The following HMCN2 variants were observed in gnomAD, a reference collection of about 807,000 sequenced individuals.
HMCN2 encodes the protein hemicentin 2.
HMCN2 carries 325 observed loss-of-function variants against 377.5 expected under a neutral mutation model. That is an observed-to-expected ratio of 0.86 (90% confidence interval 0.79 to 0.94). The LOEUF is 0.94. Among genes scored for constraint, HMCN2 ranks in the 40% least tolerant of loss-of-function variants. The pLI, the probability that HMCN2 is intolerant of heterozygous loss-of-function variation, is 0.00. For missense variants in HMCN2, 4,543 were observed against 4,725.3 expected (o/e 0.96, Z 1.13); for synonymous variants, 2,007 against 2,046.8 (o/e 0.98, Z 0.53).
chr9:130,429,672 C>A lies in HMCN2; in HGVS notation c.14313C>A (p.Ser4771Arg). ...GGGGTTACCGGATGCAGGGCCCCAG[C>A]CTGCCCTGCCTAGGTACGGGGACAC... The part of the protein sequence containing the change: ...CPRGYRMQGP[S>R]LPCLDVNECL... The change falls in exon 94 of 98, where the codon AGC (serine) becomes AGA (arginine). Residue 4771 changes from serine to arginine, a missense_variant. Around this residue, in one of 5 missense-constraint regions of HMCN2, gnomAD observed 1,155 missense variants for 1,157.7 expected, o/e 1.00. Coordinates refer to ENST00000683500, the MANE Select transcript of HMCN2 (RefSeq NM_001291815.2). The A allele has an allele frequency of 6.5e-7, 1 of 1,534,622 alleles. No homozygotes were observed. The highest frequency in any genetic ancestry group is 1.2e-5 in the South Asian group (1 of 81,846).
rs1243200081 is a variant in HMCN2 at position 130,361,061 on chromosome 9, T to C, written c.5950+457T>C. 6.6e-6 allele frequency among the ~76,000 whole-genome samples: 1 copy of C among 152,036 alleles called. No homozygotes were observed. Among genetic ancestry groups the C allele is most frequent in the Non-Finnish European group, 1.5e-5 (1 of 67,990 alleles). On this transcript the variant is annotated intron_variant, in intron 38 of 97. Coordinates refer to ENST00000683500, the MANE Select transcript of HMCN2 (RefSeq NM_001291815.2). The surrounding 1 kb of genome is among the most constrained non-coding windows in gnomAD (Gnocchi z 4.8). Reference sequence around the variant, plus strand: ...TACCCATCTACCCATTCACCATCCATTCAGTCATTCAACTACCCATTCTTT... The same window carrying C: ...TACCCATCTACCCATTCACCATCCACTCAGTCATTCAACTACCCATTCTTT...
rs544073821 is a variant in HMCN2 at position 130,397,546 on chromosome 9, G to A, written c.11217G>A (p.Glu3739=). ...PRSPRFEILP[E]GSLRIQPVLA... is the part of the protein sequence containing the mutation. ...ATTCTAGGTTTGAAATTCTGCCTGA[G>A]GGTTCCCTGAGAATCCAGCCAGTCC... Residue 3739 remains glutamate (E), a synonymous_variant, in exon 74 of 98, where the codon GAG becomes GAA. Transcript: ENST00000683500. 2 of 1,289,858 alleles carry A rather than the reference G, an allele frequency of 1.6e-6. No homozygotes were observed. Among genetic ancestry groups the A allele is most frequent in the Non-Finnish European group, 2.0e-6 (2 of 988,890 alleles). 79.9% of individuals were successfully genotyped at this position (1,289,858 alleles called of 1,614,324 possible). A position where few individuals can be genotyped will look rare whatever the true frequency, so the allele number is the denominator to read the frequency against.
intron 19 of HMCN2, among the ~76,000 whole-genome samples, chr9:130,324,577 T>C (rs36169321): frequency 0.39 from 58,557 of 151,880 alleles, 11,561 homozygotes; most frequent in African/African-American, 0.45. Flanking sequence ...TGTTTATTTG[T>C]TTTATTTTTT....
At position 130,404,952 on chromosome 9, in the gene HMCN2, A is replaced by G; in HGVS notation, c.12232A>G (p.Ser4078Gly). ...HAFLPCKARG[S>G]PEPNITWDKD... is the part of the protein sequence containing the mutation. ...CTTCTTGCCTTGCAAGGCGAGGGGCAGTCCTGAGCCCAACATCACCTGGGA... is the reference window on the plus strand; with the variant it reads ...CTTCTTGCCTTGCAAGGCGAGGGGCGGTCCTGAGCCCAACATCACCTGGGA... The change falls in exon 81 of 98, where the codon AGT becomes GGT. Residue 4078 changes from serine to glycine, a missense_variant. Ser to Gly is a moderately conservative substitution (Grantham distance 56, BLOSUM62 0). This residue lies in a region of HMCN2 where 1,073 missense variants were observed against 1,319.5 expected (regional missense o/e 0.81). Coordinates refer to ENST00000683500, the MANE Select transcript of HMCN2 (RefSeq NM_001291815.2). 2 of 1,289,350 alleles carry G rather than the reference A, an allele frequency of 1.6e-6. No homozygotes were observed. The highest frequency in any genetic ancestry group is 2.0e-6 in the Non-Finnish European group (2 of 988,654). The allele number at this position is 1,289,350 out of a possible 1,614,324, so 79.9% of individuals were successfully genotyped here.
Position 130,393,018 on chromosome 9 carries a change from AAAAG to A in HMCN2, c.10137-192_10137-189del, listed in dbSNP as rs1842416932. Among the ~76,000 whole-genome samples the A allele has an allele frequency of 6.6e-6, 1 of 151,816 alleles. No individual in the cohort carries two copies. The highest frequency in any genetic ancestry group is 2.4e-5 in the African/African-American group (1 of 41,304). ...CTCACCATCTCAAAAAAAAAAAAGA[AAAAG>A]AGAGAGTTTAAGCAAAGGCTGGGCT... is the stretch of plus-strand genomic sequence containing the variant. On this transcript the variant is annotated intron_variant, in intron 66 of 97. Transcript: ENST00000683500. This position sits in a 1 kb window ranked among gnomAD's most constrained non-coding sequence, Gnocchi z 5.2.
rs1458838438 is a variant in HMCN2, at chr9:130,382,238, C to T, written c.8486C>T (p.Ser2829Leu). 12 of 985,704 alleles carry T rather than the reference C, an allele frequency of 1.2e-5. No homozygotes were observed. The highest frequency in any genetic ancestry group is 1.4e-5 in the Non-Finnish European group (12 of 829,922). The allele number at this position is 985,704 out of a possible 1,614,324, so 61.1% of individuals were successfully genotyped here. ...CGGGCAGAGAACGCCGGGAGGTACT[C>T]GTGCAAGGCCTCCAACGAGGTGGGC... The part of the protein sequence containing the change: ...LVRAENAGRY[S>L]CKASNEVGED... Residue 2829 changes from serine (S) to leucine (L), a missense_variant, in exon 55 of 98, where the codon TCG (serine) becomes TTG (leucine). Coordinates refer to ENST00000683500, the MANE Select transcript of HMCN2 (RefSeq NM_001291815.2).
intron 22 of HMCN2, among the ~76,000 whole-genome samples, chr9:130,331,624 C>A (rs972506070): frequency 5.9e-5 from 9 of 152,198 alleles, no homozygotes; most frequent in Non-Finnish European, 8.8e-5. Context: ...CCTCCCTGGG[C>A]CTCAGCCTTT....
chr9:130,301,440 G>A (rs537315791), intron 8 of HMCN2, among the ~76,000 whole-genome samples: 6 of 152,306 alleles, frequency 3.9e-5, no homozygotes, highest in Admixed American at 1.3e-4. Flanking sequence ...TTCCTTCCCC[G>A]CCCTCCAGGT....
intron 33 of HMCN2, 34 bp from the exon 34 acceptor site, chr9:130,356,054 C>T (rs756583027): frequency 2.5e-6 from 3 of 1,221,792 alleles, no homozygotes; most frequent in South Asian, 2.8e-5. Context: ...TCCCTGGTCT[C>T]AGGTTGACAC....
Position 130,265,877 on chromosome 9 carries a change from G to C in HMCN2, c.-2G>C, listed in dbSNP as rs1834062838. 8.4e-6 allele frequency: 3 copies of C among 357,526 alleles called. No individual in the cohort carries two copies. The Admixed American group carries it at 1.1e-4, about 13-fold the overall frequency. 22.1% of individuals were successfully genotyped at this position (357,526 alleles called of 1,614,324 possible). On this transcript the variant is annotated 5_prime_UTR_variant, in exon 1 of 98. Transcript: ENST00000683500. ...GCACCCGCAGCCAGAGCCGCGCTCG[G>C]CATGATGCCCGGGGCGCCGCTCCTG... is the stretch of plus-strand genomic sequence containing the variant.
Position 130,403,301 on chromosome 9 carries a change from C to A in HMCN2, c.11986C>A (p.Gln3996Lys). The change falls in exon 79 of 98, where the codon CAG becomes AAG. Residue 3996 changes from glutamine (Q) to lysine (K), a missense_variant. Transcript: ENST00000683500. The part of the protein sequence containing the change: ...SGIPRPTITW[Q>K]KEGLNVATGV... ...CATCCCCCGGCCGACCATCACCTGG[C>A]AGAAGGAAGGGCTCAACGTCGCTAC... is the stretch of plus-strand genomic sequence containing the variant. The A allele has an allele frequency of 7.8e-7, 1 of 1,289,890 alleles. No homozygotes were observed. Among genetic ancestry groups the A allele is most frequent in the Non-Finnish European group, 1.0e-6 (1 of 988,886 alleles). The allele number at this position is 1,289,890 out of a possible 1,614,324, so 79.9% of individuals were successfully genotyped here.
At chr9:130,352,417 T>C (rs1165232114) in intron 30 of HMCN2, among the ~76,000 whole-genome samples, 1 of 152,206 alleles carries the variant, frequency 6.6e-6, no homozygotes. Context: ...GGGACATGCA[T>C]AGTAGCACCA....
chr9:130,344,935 TGTG>T (rs1267736582), intron 25 of HMCN2, among the ~76,000 whole-genome samples: 92 of 147,698 alleles, frequency 6.2e-4, no homozygotes, highest in African/African-American at 2.2e-3. Flanking sequence ...GCATGTATGT[TGTG>T]TGTGTGGTTT....
At chr9:130,336,780 G>A (rs1419111197) in intron 22 of HMCN2, among the ~76,000 whole-genome samples, 2 of 152,218 alleles carry the variant, frequency 1.3e-5, no homozygotes, top group African/African-American at 2.4e-5. Flanking sequence ...ATTGCCGATG[G>A]TGTTGCCCTG....
At position 130,307,051 on chromosome 9, in the gene HMCN2, C is replaced by T. The variant is rs557706713; in HGVS notation, c.2086+113C>T. ...ATTTACCTGTCACGCACCGGGGACA[C>T]GGCAGTGAACACATGGTCCCTGTCT... On this transcript the variant is annotated intron_variant, in intron 13 of 97. Coordinates refer to ENST00000683500, the MANE Select transcript of HMCN2 (RefSeq NM_001291815.2). 36 of 367,016 alleles carry T rather than the reference C, an allele frequency of 9.8e-5. 2 individuals carry two copies. Among genetic ancestry groups the T allele is most frequent in the Middle Eastern group, 9.9e-4 (1 of 1,012 alleles). The allele number at this position is 367,016 out of a possible 1,614,324, so 22.7% of individuals were successfully genotyped here.
intron 85 of HMCN2, among the ~76,000 whole-genome samples, chr9:130,412,567 C>CTTTTTTT (rs55873444): frequency 1.3e-4 from 17 of 134,520 alleles, no homozygotes; most frequent in East Asian, 1.1e-3. Flanking sequence ...CTTTCTTTCT[C>CTTTTTTT]TTTTTTTTTT....
At chr9:130,353,231 C>A (rs761846825) in intron 31 of HMCN2, 26 bp downstream of exon 31, 3 of 1,298,066 alleles carry the variant, frequency 2.3e-6, no homozygotes, top group South Asian at 1.2e-5. Context: ...CCACGGCAGC[C>A]GGGGTGGGCA....
intron 19 of HMCN2, among the ~76,000 whole-genome samples, chr9:130,324,985 G>C (rs1468730784): frequency 1.6e-5 from 2 of 122,828 alleles, no homozygotes; most frequent in African/African-American, 5.1e-5. Context: ...AATATCACCT[G>C]GAGTAGCTTC....
intron 1 of HMCN2, 75 bp from the exon 2 acceptor site, chr9:130,284,528 G>A (rs781969392): frequency 4.3e-6 from 2 of 465,434 alleles, no homozygotes; most frequent in Admixed American, 2.4e-5. Flanking sequence ...TCCTCATGTC[G>A]CCGACAAACC....
Sources: gnomAD v4.1 joint callset for allele counts (sites outside exome capture counted in the v4.1 genomes callset) on GRCh38, gnomAD v4.1.1 for gene constraint, gnomAD v4.1.1 regional missense constraint, Gnocchi (gnomAD v3.1) non-coding constraint, MANE v1.5 for transcripts, NCBI Gene and HGNC (gene_info 2026-07-23, HGNC 2026-07-21) for gene names.